Variants in ZRANB3 observed in about 807,000 individuals in gnomAD.
ZRANB3 encodes DNA annealing helicase and endonuclease ZRANB3.
In ZRANB3, 125 loss-of-function variants were observed where a neutral mutation model predicts 133.8. The ratio of observed to expected loss-of-function variants is 0.93; its 90% CI spans 0.81 to 1.08. The LOEUF (loss-of-function observed/expected upper bound fraction) is 1.08. Ranked by LOEUF, ZRANB3 falls within the 50% of genes least tolerant of loss-of-function variation. The pLI is 0.00. For synonymous variants in ZRANB3, 387 were observed against 432.7 expected (o/e 0.89, Z 1.31); for missense variants, 1,229 against 1,275.5 (o/e 0.96, Z 0.56).
rs1174510764 is a variant in ZRANB3 at position 135,315,495 on chromosome 2, C to T, written c.713G>A (p.Gly238Glu). ...FGKRPQWDCRGASNLNELHQL... is the reference protein window; with the variant it reads ...FGKRPQWDCREASNLNELHQL... Reference sequence around the variant, plus strand: ...GTGAAGTTCATTAAGATTTGATGCCCCTCTACAATCCCACTGAGGTCTTTT... The same window carrying T: ...GTGAAGTTCATTAAGATTTGATGCCTCTCTACAATCCCACTGAGGTCTTTT... Residue 238 changes from glycine (G) to glutamate (E), a missense_variant, in exon 7 of 21, where the codon GGG becomes GAG. Coordinates refer to ENST00000264159, the MANE Select transcript of ZRANB3 (RefSeq NM_032143.4). 6.4e-7 allele frequency: 1 copy of T among 1,569,766 alleles called. No individual in the cohort carries two copies.
intron 12 of ZRANB3, among the ~76,000 whole-genome samples, chr2:135,240,563 T>C (rs1695506901): frequency 6.6e-6 from 1 of 152,156 alleles, no homozygotes; most frequent in South Asian, 2.1e-4. Context: ...GTAGTTTTGC[T>C]GGGCATACGA....
intron 1 of ZRANB3, chr2:135,511,672 A>AC: frequency 1.3e-6 from 1 of 768,398 alleles, no homozygotes; most frequent in Non-Finnish European, 2.4e-6. Flanking sequence ...CACCTGGACT[A>AC]CCACACCATC....
At chr2:135,478,832 G>C (rs1691623403) in intron 2 of ZRANB3, among the ~76,000 whole-genome samples, 1 of 151,488 alleles carries the variant, frequency 6.6e-6, no homozygotes, top group Non-Finnish European at 1.5e-5. Flanking sequence ...AAACATATAT[G>C]TGTTATATAT....
intron 6 of ZRANB3, among the ~76,000 whole-genome samples, chr2:135,329,169 C>T (rs1019657284): frequency 6.6e-6 from 1 of 152,154 alleles, no homozygotes; most frequent in Non-Finnish European, 1.5e-5. Flanking sequence ...CCTAGGTTTT[C>T]TTCTAGGGTT....
chr2:135,266,607 A>C (rs1451575909), intron 11 of ZRANB3, among the ~76,000 whole-genome samples: 1 of 151,944 alleles, frequency 6.6e-6, no homozygotes, highest in Non-Finnish European at 1.5e-5. Flanking sequence ...TCTACTAAAA[A>C]TACAAAAACC....
At chr2:135,414,343 A>C (rs1388266907) in intron 2 of ZRANB3, among the ~76,000 whole-genome samples, 1 of 152,190 alleles carries the variant, frequency 6.6e-6, no homozygotes, top group Non-Finnish European at 1.5e-5. Flanking sequence ...AACAAAGATC[A>C]AGAGAGACAA....
At chr2:135,220,728 A>T (rs140462603) in intron 15 of ZRANB3, among the ~76,000 whole-genome samples, 1 of 151,354 alleles carries the variant, frequency 6.6e-6, no homozygotes, top group East Asian at 1.9e-4. Context: ...ATTGATATGT[A>T]ATTCTAAACC....
At chr2:135,268,228 G>A (rs369477980) in intron 11 of ZRANB3, among the ~76,000 whole-genome samples, 1 of 151,736 alleles carries the variant, frequency 6.6e-6, no homozygotes, top group African/African-American at 2.4e-5. Flanking sequence ...GCAATGGTGC[G>A]ATCTTAGCTC....
chr2:135,374,953 G>T (rs1245576470), intron 3 of ZRANB3, among the ~76,000 whole-genome samples: 1 of 152,104 alleles, frequency 6.6e-6, no homozygotes, highest in Admixed American at 6.6e-5. Context: ...CATATGAAAA[G>T]ATCCTCAACA....
chr2:135,282,004 C>T (rs908303545), intron 8 of ZRANB3, among the ~76,000 whole-genome samples: 3 of 152,060 alleles, frequency 2.0e-5, no homozygotes, highest in Admixed American at 2.0e-4. Flanking sequence ...TAATGGTTTC[C>T]AATCCATGTT....
chr2:135,370,351 CCAAAGTCCATTGTGTCATT>C (rs1446765456), intron 3 of ZRANB3, among the ~76,000 whole-genome samples: 1 of 151,924 alleles, frequency 6.6e-6, no homozygotes, highest in African/African-American at 2.4e-5. Context: ...CCCCGAGTCC[CCAAAGTCCATTGTGTCATT>C]CTTATGCCAC....
At chr2:135,354,980 AAGAC>A (rs902697541) in intron 3 of ZRANB3, among the ~76,000 whole-genome samples, 28 of 152,310 alleles carry the variant, frequency 1.8e-4, no homozygotes, top group Admixed American at 3.3e-4. Context: ...GAGAGACTAA[AAGAC>A]AGGCCCTGTT....
rs1693414474 is a variant in ZRANB3 at position 135,510,725 on chromosome 2, G to C, written c.-7-6229C>G. 28 of 799,254 alleles carry C rather than the reference G, an allele frequency of 3.5e-5. 1 individual carries two copies. The South Asian group carries it at 3.6e-4, about 10-fold the overall frequency. The allele number at this position is 799,254 out of a possible 1,614,324, so 49.5% of individuals were successfully genotyped here. On this transcript the variant is annotated intron_variant, in intron 1 of 20. Transcript: ENST00000264159. ...CGAGTCTTCTTCTCTTCCACATTCA[G>C]ACAGACCTCACCTCTGAACATGATG...
At chr2:135,235,063 G>A (rs1695225708) in intron 12 of ZRANB3, among the ~76,000 whole-genome samples, 1 of 152,042 alleles carries the variant, frequency 6.6e-6, no homozygotes, top group African/African-American at 2.4e-5. Context: ...AAGAAGAAAA[G>A]AGAAGAATCA....
intron 3 of ZRANB3, among the ~76,000 whole-genome samples, chr2:135,382,602 T>C (rs1016809647): frequency 6.6e-6 from 1 of 152,186 alleles, no homozygotes; most frequent in African/African-American, 2.4e-5. Context: ...AAGGTGGGGT[T>C]ACCCACAAAG....
At chr2:135,383,143 A>C (rs558757931) in intron 3 of ZRANB3, among the ~76,000 whole-genome samples, 3 of 152,312 alleles carry the variant, frequency 2.0e-5, no homozygotes, top group Non-Finnish European at 2.9e-5. Flanking sequence ...AAAGGGATGG[A>C]GGAAGATCTA....
At chr2:135,357,696 G>T (rs1200021882) in intron 3 of ZRANB3, among the ~76,000 whole-genome samples, 1 of 152,174 alleles carries the variant, frequency 6.6e-6, no homozygotes, top group Admixed American at 6.5e-5. Flanking sequence ...GCAGGTGTGT[G>T]CCACCATGCC....
intron 9 of ZRANB3, among the ~76,000 whole-genome samples, chr2:135,272,414 C>CTTTTTTTTTTT (rs112209442): frequency 0.014 from 1,552 of 107,634 alleles, 270 homozygotes; most frequent in African/African-American, 0.063. Context: ...GAAAATAGAG[C>CTTTTTTTTTTT]TTTTTTTTTT....
intron 8 of ZRANB3, among the ~76,000 whole-genome samples, chr2:135,279,704 A>G (rs559921500): frequency 8.5e-5 from 13 of 152,284 alleles, no homozygotes; most frequent in South Asian, 4.1e-4. Flanking sequence ...AGAGATGCCA[A>G]TGCCAAAGTT....
Sources: gnomAD v4.1 joint callset for allele counts (sites outside exome capture counted in the v4.1 genomes callset) on GRCh38, gnomAD v4.1.1 for gene constraint, MANE v1.5 for transcripts, NCBI Gene and HGNC (gene_info 2026-07-23, HGNC 2026-07-21) for gene names.